The following HECTD2 variants were observed in gnomAD, a reference collection of about 807,000 sequenced individuals.
HECTD2 encodes HECT domain E3 ubiquitin protein ligase 2.
Under a neutral mutation model 103.2 loss-of-function variants are expected in HECTD2, and 35 were observed. That is an observed-to-expected ratio of 0.34 (90% CI 0.26 to 0.45). HECTD2 has a LOEUF of 0.45. Ranked by LOEUF, HECTD2 falls within the 20% of genes least tolerant of loss-of-function variation. HECTD2 has a pLI of 1.00. For synonymous variants in HECTD2, 281 were observed against 329.9 expected (o/e 0.85, Z 1.61); for missense variants, 596 against 937.4 (o/e 0.64, Z 4.76).
chr10:91,456,634 AG>A (rs920656975), intron 2 of HECTD2, among the ~76,000 whole-genome samples: 1 of 152,078 alleles, frequency 6.6e-6, no homozygotes, highest in Admixed American at 6.6e-5. Context: ...GTGGTGAGAG[AG>A]GGCATCCCTG....
chr10:91,469,005 A>G (rs1845632128), intron 5 of HECTD2, among the ~76,000 whole-genome samples: 2 of 152,074 alleles, frequency 1.3e-5, no homozygotes, highest in South Asian at 4.1e-4. Flanking sequence ...CAAGCTAAAG[A>G]AAGAATTTCA....
chr10:91,444,185 A>T (rs1844492258), intron 2 of HECTD2, among the ~76,000 whole-genome samples: 1 of 152,150 alleles, frequency 6.6e-6, no homozygotes, highest in Non-Finnish European at 1.5e-5. Context: ...ATAAACACCT[A>T]CAATTAAATA....
intron 2 of HECTD2, among the ~76,000 whole-genome samples, chr10:91,457,680 C>T (rs547756054): frequency 3.9e-5 from 6 of 151,942 alleles, no homozygotes; most frequent in Admixed American, 3.9e-4. Context: ...CTAGAAAAAA[C>T]CTGCAATTAA....
intron 14 of HECTD2, among the ~76,000 whole-genome samples, chr10:91,494,717 A>G (rs1488683937): frequency 1.3e-5 from 2 of 152,054 alleles, no homozygotes; most frequent in African/African-American, 4.8e-5. Context: ...TCCTGTTTAT[A>G]TTCTAGTATC....
intron 5 of HECTD2, among the ~76,000 whole-genome samples, chr10:91,472,807 C>T (rs1246965539): frequency 1.3e-5 from 2 of 152,038 alleles, no homozygotes; most frequent in African/African-American, 4.8e-5. Context: ...GAACATGAGA[C>T]TGTCTAAAAT....
chr10:91,461,176 G>T, intron 3 of HECTD2, 78 bp from the exon 4 acceptor site: 1 of 638,320 alleles, frequency 1.6e-6, no homozygotes, highest in Non-Finnish European at 2.7e-6. Context: ...TTGCATGTTT[G>T]GTGACATTAA....
At chr10:91,474,252 T>C (rs1274732213) in intron 5 of HECTD2, among the ~76,000 whole-genome samples, 1 of 152,004 alleles carries the variant, frequency 6.6e-6, no homozygotes, top group Non-Finnish European at 1.5e-5. Flanking sequence ...AAACAAAAAA[T>C]AAGATTGCAG....
chr10:91,484,067 AAG>A (rs1564729412), intron 8 of HECTD2: 3 of 385,594 alleles, frequency 7.8e-6, no homozygotes, highest in African/African-American at 2.1e-5. Context: ...GACACTTGCA[AAG>A]AGAGAGTATT....
chr10:91,500,396 C>T, intron 18 of HECTD2, 106 bp from the exon 19 acceptor site: 2 of 339,824 alleles, frequency 5.9e-6, no homozygotes, highest in Non-Finnish European at 1.2e-5. Context: ...GTTTGATTTA[C>T]TATGAGAAAT....
At chr10:91,466,875 C>G (rs1273790961) in intron 5 of HECTD2, among the ~76,000 whole-genome samples, 1 of 151,960 alleles carries the variant, frequency 6.6e-6, no homozygotes, top group East Asian at 1.9e-4. Context: ...ATACATATTG[C>G]TAAGTGAAGG....
chr10:91,491,084 G>A, intron 11 of HECTD2, 116 bp from the exon 12 acceptor site: 1 of 507,964 alleles, frequency 2.0e-6, no homozygotes, highest in Non-Finnish European at 3.5e-6. Context: ...TTATAAAATT[G>A]TTTATATAAG....
At chr10:91,490,258 T>C (rs1846416842) in intron 11 of HECTD2, among the ~76,000 whole-genome samples, 1 of 152,230 alleles carries the variant, frequency 6.6e-6, no homozygotes, top group South Asian at 2.1e-4. Context: ...ACTATTTACA[T>C]AGTTTTTATG....
Position 91,499,019 on chromosome 10 carries a change from T to G in HECTD2, c.1844-25T>G. 2 of 1,559,754 alleles carry G rather than the reference T, an allele frequency of 1.3e-6. 1 individual carries two copies. The highest frequency in any genetic ancestry group is 1.8e-6 in the Non-Finnish European group (2 of 1,131,814). Reference sequence around the variant, plus strand: ...GTATTTGCCATTTACTTTTACTATTTAAGAGATGTAAAATTGCTTTTCAGA... The same window carrying G: ...GTATTTGCCATTTACTTTTACTATTGAAGAGATGTAAAATTGCTTTTCAGA... On this transcript the variant is annotated intron_variant, in intron 17 of 20. Coordinates refer to ENST00000298068, the MANE Select transcript of HECTD2 (RefSeq NM_182765.6).
rs191481603 is a variant in HECTD2, at chr10:91,485,502, G to T, written c.1094+199G>T. ...TTTGAATTTATGTACATGTTAATTTGGTTTTGGTTTGGTTAATAGCATCTT... is the reference window on the plus strand; with the variant it reads ...TTTGAATTTATGTACATGTTAATTTTGTTTTGGTTTGGTTAATAGCATCTT... On this transcript the variant is annotated intron_variant, in intron 10 of 20. Coordinates refer to ENST00000298068, the MANE Select transcript of HECTD2 (RefSeq NM_182765.6). The T allele has an allele frequency of 9.0e-6, 4 of 443,420 alleles. No homozygotes were observed. In the Admixed American group the frequency reaches 1.4e-4, roughly 15 times the overall value. The allele number at this position is 443,420 out of a possible 1,614,324, so 27.5% of individuals were successfully genotyped here.
intron 2 of HECTD2, among the ~76,000 whole-genome samples, chr10:91,426,726 G>C (rs1200532879): frequency 6.6e-6 from 1 of 151,596 alleles, no homozygotes; most frequent in South Asian, 2.1e-4. Flanking sequence ...ATGCCTACAA[G>C]TTTTTGATTG....
chr10:91,482,047 GA>G (rs1487634339), intron 7 of HECTD2, among the ~76,000 whole-genome samples: 2 of 151,650 alleles, frequency 1.3e-5, no homozygotes, highest in Non-Finnish European at 3.0e-5. Flanking sequence ...CAAAACTCAA[GA>G]ATAAACATAT....
chr10:91,437,279 A>G (rs1844159116), intron 2 of HECTD2, among the ~76,000 whole-genome samples: 1 of 152,046 alleles, frequency 6.6e-6, no homozygotes, highest in South Asian at 2.1e-4. Context: ...GATCATTCCC[A>G]TGCCTGATGA....
intron 13 of HECTD2, among the ~76,000 whole-genome samples, chr10:91,492,868 T>C (rs1564733244): frequency 6.6e-6 from 1 of 152,090 alleles, no homozygotes; most frequent in Non-Finnish European, 1.5e-5. Flanking sequence ...TGGGTCATTT[T>C]AATAAATAAG....
At chr10:91,469,402 C>A (rs1261339505) in intron 5 of HECTD2, among the ~76,000 whole-genome samples, 3 of 152,190 alleles carry the variant, frequency 2.0e-5, no homozygotes, top group Non-Finnish European at 4.4e-5. Flanking sequence ...TAACAGCAGA[C>A]CTTTGAGCAG....
Sources: gnomAD v4.1 joint callset for allele counts (sites outside exome capture counted in the v4.1 genomes callset) on GRCh38, gnomAD v4.1.1 for gene constraint, MANE v1.5 for transcripts, NCBI Gene and HGNC (gene_info 2026-07-23, HGNC 2026-07-21) for gene names.